The following KHDRBS2 variants were observed in gnomAD, a reference collection of about 807,000 sequenced individuals.
The protein encoded by KHDRBS2 is KH RNA binding domain containing, signal transduction associated 2.
KHDRBS2 carries 26 observed loss-of-function variants against 44.3 expected under a neutral mutation model. The observed-to-expected ratio is 0.59, with a 90% CI of 0.43 to 0.81. The LOEUF (loss-of-function observed/expected upper bound fraction) is 0.81. Ranked by LOEUF, KHDRBS2 falls within the 40% of genes least tolerant of loss-of-function variation. The probability of loss-of-function intolerance (pLI) is 0.00; values close to 1 mark genes in which losing one functional copy is unlikely to be tolerated. For synonymous variants in KHDRBS2, 194 were observed against 151.1 expected, an observed-to-expected ratio of 1.28 and a Z score of -2.08; for missense variants, 476 against 433.1, an observed-to-expected ratio of 1.10 and a Z score of -0.88.
the KHDRBS2 span, among the ~76,000 whole-genome samples, chr6:61,581,117 AC>A: frequency 6.6e-6 from 1 of 152,170 alleles, no homozygotes; most frequent in Admixed American, 6.5e-5. Flanking sequence ...CATCCCCAAT[AC>A]AAACTCTCTG....
intron 4 of KHDRBS2, among the ~76,000 whole-genome samples, chr6:61,968,338 T>G (rs1770576763): frequency 6.6e-6 from 1 of 151,948 alleles, no homozygotes; most frequent in African/African-American, 2.4e-5. Context: ...TATGATATGT[T>G]CATGCCCCTA....
intron 7 of KHDRBS2, among the ~76,000 whole-genome samples, chr6:61,714,588 A>G (rs944277233): frequency 2.0e-5 from 3 of 151,936 alleles, no homozygotes; most frequent in Non-Finnish European, 4.4e-5. Context: ...TATAAAAAAT[A>G]CCTGCACTCA....
chr6:62,282,548 C>A (rs561479540), intron 1 of KHDRBS2, among the ~76,000 whole-genome samples: 1 of 152,184 alleles, frequency 6.6e-6, no homozygotes, highest in South Asian at 2.1e-4. Context: ...AGATCTATGT[C>A]TGTCAGCAGA....
At chr6:61,715,253 C>A (rs1475435133) in intron 7 of KHDRBS2, among the ~76,000 whole-genome samples, 2 of 151,816 alleles carry the variant, frequency 1.3e-5, no homozygotes, top group Non-Finnish European at 2.9e-5. Context: ...ATTTATTGAG[C>A]TCAGATAACT....
chr6:61,545,533 C>T, the KHDRBS2 span, among the ~76,000 whole-genome samples: 16 of 130,814 alleles, frequency 1.2e-4, no homozygotes, highest in Non-Finnish European at 2.5e-4. Context: ...GTGTGTCTTT[C>T]TCTGCTTGTA....
intron 6 of KHDRBS2, among the ~76,000 whole-genome samples, chr6:61,875,908 G>A (rs1221396462): frequency 6.6e-6 from 1 of 151,594 alleles, no homozygotes; most frequent in Non-Finnish European, 1.5e-5. Flanking sequence ...GTCATTTTCT[G>A]TATGACTTGG....
chr6:61,618,090 TTTG>T, the KHDRBS2 span, among the ~76,000 whole-genome samples: 23 of 152,036 alleles, frequency 1.5e-4, no homozygotes, highest in South Asian at 2.1e-4. Flanking sequence ...AAGCAATGTT[TTTG>T]TTGTTGTTGT....
chr6:61,678,768 T>G (rs1766083054), downstream of KHDRBS2: 1 of 151,922 alleles, frequency 6.6e-6, no homozygotes, highest in Admixed American at 6.6e-5. Context: ...AACCTAAGCC[T>G]TTTCAGTAGT....
chr6:61,979,937 T>A (rs1199622980), intron 3 of KHDRBS2, among the ~76,000 whole-genome samples: 3 of 152,152 alleles, frequency 2.0e-5, no homozygotes, highest in Non-Finnish European at 4.4e-5. Context: ...TATTTTTGTG[T>A]TACCCTCTCC....
intron 1 of KHDRBS2, among the ~76,000 whole-genome samples, chr6:62,282,846 T>C (rs945186482): frequency 3.3e-5 from 5 of 152,114 alleles, no homozygotes; most frequent in East Asian, 1.9e-4. Flanking sequence ...AAAAAACATA[T>C]ACATCACTTA....
At chr6:62,077,821 A>C (rs1405676290) in intron 2 of KHDRBS2, among the ~76,000 whole-genome samples, 2 of 152,208 alleles carry the variant, frequency 1.3e-5, no homozygotes, top group Non-Finnish European at 2.9e-5. Flanking sequence ...ATTAATTGAT[A>C]AATGAATAAG....
At chr6:61,640,958 C>T in the KHDRBS2 span, among the ~76,000 whole-genome samples, 1 of 152,130 alleles carries the variant, frequency 6.6e-6, no homozygotes, top group Non-Finnish European at 1.5e-5. Flanking sequence ...TTTATTACTC[C>T]TTCAATTGAT....
At chr6:62,036,584 TA>T (rs1785331245) in intron 3 of KHDRBS2, among the ~76,000 whole-genome samples, 1 of 152,164 alleles carries the variant, frequency 6.6e-6, no homozygotes, top group Admixed American at 6.6e-5. Context: ...ATTTTCTATT[TA>T]TTTAACTTAG....
chr6:62,138,801 T>C (rs1812124450), intron 2 of KHDRBS2, among the ~76,000 whole-genome samples: 1 of 152,208 alleles, frequency 6.6e-6, no homozygotes, highest in Admixed American at 6.5e-5. Context: ...CCAAAAACTA[T>C]ATGTGTTGCT....
the KHDRBS2 span, among the ~76,000 whole-genome samples, chr6:61,636,872 T>C: frequency 6.6e-6 from 1 of 152,052 alleles, no homozygotes; most frequent in African/African-American, 2.4e-5. Flanking sequence ...ATTTTATTTC[T>C]TCAAAAGGCC....
chr6:61,555,697 G>C, the KHDRBS2 span, among the ~76,000 whole-genome samples: 7 of 152,286 alleles, frequency 4.6e-5, no homozygotes, highest in East Asian at 1.4e-3. Context: ...TCGCTTGCTT[G>C]TATCTTCTTT....
the KHDRBS2 span, among the ~76,000 whole-genome samples, chr6:61,604,629 AG>A: frequency 6.6e-6 from 1 of 152,120 alleles, no homozygotes; most frequent in Non-Finnish European, 1.5e-5. Context: ...ATCACTTCTC[AG>A]TGTTCCATCT....
Position 61,680,098 on chromosome 6 carries a change from C to G in KHDRBS2, c.*865G>C, listed in dbSNP as rs915406998. The stretch of plus-strand genomic sequence containing the variant: ...ATTTAACAACCATAAGTTATTAATA[C>G]ATTTTTAAGTATTACACAAATATCT... On this transcript the variant is annotated 3_prime_UTR_variant, in exon 9 of 9. Transcript: ENST00000281156. The G allele has an allele frequency of 6.6e-6, 1 of 152,266 alleles. No homozygotes were observed. The highest frequency in any genetic ancestry group is 1.5e-5 in the Non-Finnish European group (1 of 67,898). 9.4% of individuals were successfully genotyped at this position (152,266 alleles called of 1,614,324 possible). A position where few individuals can be genotyped will look rare whatever the true frequency, so the allele number is the denominator to read the frequency against.
intron 6 of KHDRBS2, among the ~76,000 whole-genome samples, chr6:61,848,563 G>GTATATATATACATATA (rs1562295318): frequency 1.8e-4 from 4 of 22,176 alleles, no homozygotes; most frequent in Non-Finnish European, 3.0e-4. Flanking sequence ...ATATATATAT[G>GTATATATATACATATA]TATATATATA....
Sources: gnomAD v4.1 joint callset for allele counts (sites outside exome capture counted in the v4.1 genomes callset) on GRCh38, gnomAD v4.1.1 for gene constraint, MANE v1.5 for transcripts, NCBI Gene and HGNC (gene_info 2026-07-23, HGNC 2026-07-21) for gene names.